The following SUFU variants were observed in gnomAD, a reference collection of about 807,000 sequenced individuals.
SUFU encodes suppressor of fused homolog.
SUFU carries 7 observed loss-of-function variants against 58.9 expected under a neutral mutation model. The ratio of observed to expected loss-of-function variants is 0.12; its 90% CI spans 0.07 to 0.22. The LOEUF is 0.22. Ranked by LOEUF, SUFU falls within the 10% of genes least tolerant of loss-of-function variation. The pLI is 1.00. For synonymous variants in SUFU, 232 were observed against 254.8 expected, an observed-to-expected ratio of 0.91 and a Z score of 0.85; for missense variants, 451 against 641.3, an observed-to-expected ratio of 0.70 and a Z score of 3.20.
chr10:102,615,878 C>T (rs1043694560), intron 9 of SUFU, among the ~76,000 whole-genome samples: 1 of 152,160 alleles, frequency 6.6e-6, no homozygotes, highest in African/African-American at 2.4e-5. Flanking sequence ...GTTTGACAGA[C>T]CTTCCTCGTT....
At chr10:102,524,408 CT>C (rs1564664497) in intron 2 of SUFU, among the ~76,000 whole-genome samples, 2 of 149,964 alleles carry the variant, frequency 1.3e-5, no homozygotes, top group Non-Finnish European at 3.0e-5. Flanking sequence ...TCACTGTAAC[CT>C]CCGCCTCCTG....
At chr10:102,584,995 A>G (rs1368058936) in intron 3 of SUFU, among the ~76,000 whole-genome samples, 2 of 152,282 alleles carry the variant, frequency 1.3e-5, no homozygotes, top group Non-Finnish European at 2.9e-5. Context: ...GTGATGTCTC[A>G]GCATTATGGG....
At chr10:102,531,828 A>G (rs965363805) in intron 2 of SUFU, among the ~76,000 whole-genome samples, 2 of 152,124 alleles carry the variant, frequency 1.3e-5, no homozygotes, top group Admixed American at 6.6e-5. Context: ...TAGAGGAGAA[A>G]GTTGTGTTGA....
chr10:102,573,167 T>C (rs2063180187), intron 3 of SUFU: 2 of 772,946 alleles, frequency 2.6e-6, no homozygotes, highest in South Asian at 1.3e-5. Flanking sequence ...CTTCAAAGCC[T>C]TTGCTTTGGC....
chr10:102,574,464 A>C (rs1199167014), intron 3 of SUFU, among the ~76,000 whole-genome samples: 1 of 152,204 alleles, frequency 6.6e-6, no homozygotes, highest in Non-Finnish European at 1.5e-5. Flanking sequence ...ATACAAATAT[A>C]TGGCCAGGCG....
intron 10 of SUFU, among the ~76,000 whole-genome samples, chr10:102,626,956 C>G (rs1020324667): frequency 1.3e-5 from 2 of 152,034 alleles, no homozygotes; most frequent in African/African-American, 4.8e-5. Flanking sequence ...GTCCCCTGAC[C>G]CCTTTCCTTC....
At chr10:102,592,543 G>A (rs775033903) in intron 3 of SUFU, 39 bp from the exon 4 acceptor site, 1 of 1,612,836 alleles carries the variant, frequency 6.2e-7, no homozygotes, top group Admixed American at 1.7e-5. Flanking sequence ...CCTGGATCTG[G>A]GGCCTTGAAC....
At chr10:102,551,033 G>A (rs186123472) in intron 3 of SUFU, among the ~76,000 whole-genome samples, 157 of 152,212 alleles carry the variant, frequency 1.0e-3, no homozygotes, top group African/African-American at 3.7e-3. Context: ...ATGGGCCACC[G>A]CGCCTGGCCA....
intron 2 of SUFU, among the ~76,000 whole-genome samples, chr10:102,519,798 G>C (rs1297599105): frequency 1.3e-5 from 2 of 151,990 alleles, no homozygotes; most frequent in Non-Finnish European, 2.9e-5. Flanking sequence ...TTGAGATGGA[G>C]TCTCGCTCTG....
chr10:102,557,625 C>CA (rs765778595), intron 3 of SUFU, among the ~76,000 whole-genome samples: 21 of 152,016 alleles, frequency 1.4e-4, no homozygotes, highest in Non-Finnish European at 2.8e-4. Flanking sequence ...GTCTCAAAAA[C>CA]AAAAAACAAA....
In SUFU at chr10:102,617,969, G is replaced by C. The variant is rs1018156346; in HGVS notation, c.1296+541G>C. 12 of 181,962 alleles carry C rather than the reference G, an allele frequency of 6.6e-5. No individual in the cohort carries two copies. The highest frequency in any genetic ancestry group is 4.4e-4 in the Admixed American group (8 of 18,070). 11.3% of individuals were successfully genotyped at this position (181,962 alleles called of 1,614,324 possible). Reference sequence around the variant, plus strand: ...AGTTTGTGTGACCAGAGACCTGCTGGCTTATCCGGAGCACTTTGTCCTTCC... The same window carrying C: ...AGTTTGTGTGACCAGAGACCTGCTGCCTTATCCGGAGCACTTTGTCCTTCC... On this transcript the variant is annotated intron_variant, in intron 10 of 11. Transcript: ENST00000369902. The surrounding 1 kb of genome is among the most constrained non-coding windows in gnomAD (Gnocchi z 4.4).
intron 3 of SUFU, among the ~76,000 whole-genome samples, chr10:102,575,195 CAG>C (rs2063202254): frequency 6.6e-6 from 1 of 152,142 alleles, no homozygotes; most frequent in Admixed American, 6.6e-5. Context: ...GCCTGGGAAA[CAG>C]AGCAAGACCT....
chr10:102,599,349 C>A, intron 7 of SUFU, 84 bp from the exon 8 acceptor site: 1 of 1,067,890 alleles, frequency 9.4e-7, no homozygotes, highest in Non-Finnish European at 1.5e-6. Flanking sequence ...TTCTTAGCAC[C>A]TCTGCTGAGC....
chr10:102,509,454 G>A lies in SUFU; in HGVS notation c.317+151G>A. ...GACTATATCTACTCATGCCAAGGTG[G>A]TCCTCGTTAACACCTGATTCCTGCT... On this transcript the variant is annotated intron_variant, in intron 2 of 11. Transcript: ENST00000369902. 9 of 1,120,680 alleles carry A rather than the reference G, an allele frequency of 8.0e-6. No individual in the cohort carries two copies. In the South Asian group the frequency reaches 9.9e-5, roughly 12 times the overall value. The allele number at this position is 1,120,680 out of a possible 1,614,324, so 69.4% of individuals were successfully genotyped here. A position where few individuals can be genotyped will look rare whatever the true frequency, so the allele number is the denominator to read the frequency against.
At position 102,617,243 on chromosome 10, in the gene SUFU, C is replaced by A; in HGVS notation, c.1158-47C>A. ...TTGGCCAGGCCTGCTGTGCTTGGAACTGTTTCCAAGCCCAGCTCCTCACTG... is the reference window on the plus strand; with the variant it reads ...TTGGCCAGGCCTGCTGTGCTTGGAAATGTTTCCAAGCCCAGCTCCTCACTG... On this transcript the variant is annotated intron_variant, in intron 9 of 11. Coordinates refer to ENST00000369902, the MANE Select transcript of SUFU (RefSeq NM_016169.4). The surrounding 1 kb of genome is among the most constrained non-coding windows in gnomAD (Gnocchi z 4.4). The A allele has an allele frequency of 5.0e-6, 8 of 1,613,590 alleles. No homozygotes were observed. The highest frequency in any genetic ancestry group is 6.8e-6 in the Non-Finnish European group (8 of 1,179,748).
At position 102,509,318 on chromosome 10, in the gene SUFU, C is replaced by A. The variant is rs760470575; in HGVS notation, c.317+15C>A. 2 of 1,613,562 alleles carry A rather than the reference C, an allele frequency of 1.2e-6. No individual in the cohort carries two copies. The highest frequency in any genetic ancestry group is 2.7e-5 in the African/African-American group (2 of 74,926). On this transcript the variant is annotated intron_variant, in intron 2 of 11. Transcript: ENST00000369902. ...AGAGTCCATGAGTGAGTATATGCCA[C>A]CTGTTCTTTATCCAGAGCCTTATTC...
rs1477099293 is a variant in SUFU, at chr10:102,632,026, G to A, written c.*1871G>A. 4.3e-6 allele frequency: 1 copy of A among 233,226 alleles called. No homozygotes were observed. Among genetic ancestry groups the A allele is most frequent in the Non-Finnish European group, 8.5e-6 (1 of 118,156 alleles). The allele number at this position is 233,226 out of a possible 1,614,324, so 14.4% of individuals were successfully genotyped here. A position where few individuals can be genotyped will look rare whatever the true frequency, so the allele number is the denominator to read the frequency against. ...GTTTCTGACATTTCACAGGCAGAGA[G>A]GTGCCATCAGTTCGCCTCCATTCCT... On this transcript the variant is annotated 3_prime_UTR_variant, in exon 12 of 12. Coordinates refer to ENST00000369902, the MANE Select transcript of SUFU (RefSeq NM_016169.4).
At position 102,592,601 on chromosome 10, in the gene SUFU, G is replaced by A. The variant is rs375178556; in HGVS notation, c.474G>A (p.Gly158=). The A allele has an allele frequency of 5.0e-6, 8 of 1,614,016 alleles. No individual in the cohort carries two copies. The African/African-American group carries it at 1.1e-4, about 22-fold the overall frequency. The change falls in exon 4 of 12, where the codon GGG becomes GGA. Residue 158 remains glycine (G), a synonymous_variant. Coordinates refer to ENST00000369902, the MANE Select transcript of SUFU (RefSeq NM_016169.4). ...CCACAGAGAACACCTTCTGCAGTGG[G>A]GACCATGTGTCCTGGCACAGCCCTT... ...VFQSENTFCS[G]DHVSWHSPLD...
intron 10 of SUFU, among the ~76,000 whole-genome samples, chr10:102,624,000 G>A (rs1397493710): frequency 6.6e-6 from 1 of 152,194 alleles, no homozygotes; most frequent in African/African-American, 2.4e-5. Flanking sequence ...CTTGGGCAAA[G>A]TGGGGATGAT....
Sources: gnomAD v4.1 joint callset for allele counts (sites outside exome capture counted in the v4.1 genomes callset) on GRCh38, gnomAD v4.1.1 for gene constraint, Gnocchi (gnomAD v3.1) non-coding constraint, MANE v1.5 for transcripts, NCBI Gene and HGNC (gene_info 2026-07-23, HGNC 2026-07-21) for gene names.